PTPRT: variants seen among roughly 807,000 people sequenced by gnomAD.
PTPRT encodes receptor-type tyrosine-protein phosphatase T.
PTPRT carries 56 observed loss-of-function variants against 176.8 expected under a neutral mutation model. That is an observed-to-expected ratio of 0.32 (90% CI 0.26 to 0.40). The LOEUF (loss-of-function observed/expected upper bound fraction) is 0.40, where lower values mean the gene tolerates loss of function less well. Among genes scored for constraint, PTPRT ranks in the 10% least tolerant of loss-of-function variants. PTPRT has a pLI of 1.00. For synonymous variants in PTPRT, 783 were observed against 739.0 expected (o/e 1.06, Z -0.96); for missense variants, 1,540 against 1,908.2 (o/e 0.81, Z 3.60).
intron 9 of PTPRT, among the ~76,000 whole-genome samples, chr20:42,442,570 T>C (rs553038845): frequency 1.1e-4 from 17 of 152,214 alleles, no homozygotes; most frequent in Non-Finnish European, 2.5e-4. Flanking sequence ...TTATACACTG[T>C]AATTAGAAAC....
At chr20:42,046,435 G>T in the PTPRT span, among the ~76,000 whole-genome samples, 3 of 152,224 alleles carry the variant, frequency 2.0e-5, no homozygotes. Flanking sequence ...ATTTGCAGAT[G>T]AAATTCACCA....
chr20:42,294,496 A>G (rs1464708236), intron 12 of PTPRT, among the ~76,000 whole-genome samples: 1 of 152,178 alleles, frequency 6.6e-6, no homozygotes, highest in African/African-American at 2.4e-5. Flanking sequence ...ACATACACAC[A>G]AAATCATCGA....
At chr20:42,807,013 C>T (rs1470906111) in intron 2 of PTPRT, among the ~76,000 whole-genome samples, 4 of 152,128 alleles carry the variant, frequency 2.6e-5, no homozygotes, top group African/African-American at 9.7e-5. Context: ...AGATGCAATG[C>T]GCTGCCACAA....
In PTPRT at chr20:43,150,837, G is replaced by A. The variant is rs549205402; in HGVS notation, c.88+38809C>T. Among the ~76,000 whole-genome samples the A allele has an allele frequency of 2.3e-3, 349 of 152,252 alleles. 2 individuals carry two copies. Among genetic ancestry groups the A allele is most frequent in the African/African-American group, 8.2e-3 (341 of 41,528 alleles). ...CCTAGGAGAAAACTGTTACAGAGTT[G>A]GTACAATGGAGTGTCCTGCCTACCT... is the stretch of plus-strand genomic sequence containing the variant. On this transcript the variant is annotated intron_variant, in intron 1 of 30. Coordinates refer to ENST00000373187, the MANE Select transcript of PTPRT (RefSeq NM_007050.6).
intron 4 of PTPRT, among the ~76,000 whole-genome samples, 186 bp downstream of exon 4, chr20:42,780,032 A>G (rs2077192217): frequency 6.6e-6 from 1 of 152,176 alleles, no homozygotes; most frequent in South Asian, 2.1e-4. Flanking sequence ...CCTGTTGAAC[A>G]GGCCGGCAAA....
intron 2 of PTPRT, among the ~76,000 whole-genome samples, chr20:42,830,682 T>TATGCATGTATGATTATATATATATATATA: frequency 6.6e-6 from 1 of 151,700 alleles, no homozygotes; most frequent in East Asian, 1.9e-4. Context: ...CAACATGATT[T>TATGCATGTATGATTATATATATATATATA]TATATCTATA....
chr20:42,381,435 GT>G (rs1568829774), intron 9 of PTPRT, among the ~76,000 whole-genome samples: 1 of 152,172 alleles, frequency 6.6e-6, no homozygotes, highest in Non-Finnish European at 1.5e-5. Flanking sequence ...GTCAGCCCGG[GT>G]CCCTGTGTGA....
intron 2 of PTPRT, among the ~76,000 whole-genome samples, chr20:42,809,790 C>T (rs748926791): frequency 1.3e-5 from 2 of 152,114 alleles, no homozygotes; most frequent in Non-Finnish European, 2.9e-5. Context: ...ATTTAGGATC[C>T]ACCCTAAATC....
intron 11 of PTPRT, among the ~76,000 whole-genome samples, chr20:42,336,146 G>A (rs1173590421): frequency 6.6e-6 from 1 of 152,050 alleles, no homozygotes; most frequent in Non-Finnish European, 1.5e-5. Flanking sequence ...TGTAAAAGAA[G>A]TAATATACCA....
intron 2 of PTPRT, among the ~76,000 whole-genome samples, chr20:42,829,585 G>T (rs1260544914): frequency 6.6e-6 from 1 of 152,176 alleles, no homozygotes; most frequent in Non-Finnish European, 1.5e-5. Context: ...AAATTAGCTG[G>T]TTGTGGGTGG....
Position 42,448,297 on chromosome 20 carries a change from C to T in PTPRT, c.1483G>A (p.Gly495Arg). Residue 495 changes from glycine (G) to arginine (R), a missense_variant, in exon 9 of 31, where the codon GGG becomes AGG. Gly to Arg is a moderately radical substitution (Grantham distance 125, BLOSUM62 -2). Around this residue, in one of 11 missense-constraint regions of PTPRT, gnomAD observed 136 missense variants for 135.0 expected, o/e 1.01. Coordinates refer to ENST00000373187, the MANE Select transcript of PTPRT (RefSeq NM_007050.6). ...TAGATCTTCTCCTCAAAGGGCCCCC[C>T]TTGGATGGATTCTAGAGGAACAGCT... is the stretch of plus-strand genomic sequence containing the variant. ...PGAVPLESIQ[G>R]GPFEEKIYIQ... 6.2e-7 allele frequency: 1 copy of T among 1,613,372 alleles called. No homozygotes were observed. The highest frequency in any genetic ancestry group is 8.5e-7 in the Non-Finnish European group (1 of 1,179,492).
chr20:42,892,615 G>T (rs73910603), intron 1 of PTPRT, among the ~76,000 whole-genome samples: 1 of 152,140 alleles, frequency 6.6e-6, no homozygotes, highest in Non-Finnish European at 1.5e-5. Context: ...AGATTAAGGT[G>T]ATCTGCCATG....
intron 2 of PTPRT, among the ~76,000 whole-genome samples, chr20:42,843,295 C>A (rs1026770173): frequency 2.0e-5 from 3 of 152,178 alleles, no homozygotes; most frequent in Non-Finnish European, 4.4e-5. Context: ...CCACACCCGG[C>A]CTTCGTATGC....
intron 9 of PTPRT, among the ~76,000 whole-genome samples, chr20:42,380,602 AG>A (rs1044764955): frequency 2.4e-4 from 37 of 152,324 alleles, no homozygotes; most frequent in African/African-American, 8.4e-4. Flanking sequence ...GCCCCAGGAA[AG>A]GGCTGCCAAA....
chr20:42,758,750 C>T (rs910068463), intron 5 of PTPRT, among the ~76,000 whole-genome samples: 14 of 152,200 alleles, frequency 9.2e-5, no homozygotes, highest in South Asian at 2.1e-4. Flanking sequence ...AGAGGAGAAT[C>T]TGAAGCCAAA....
chr20:42,234,677 G>A (rs974047659), intron 15 of PTPRT, among the ~76,000 whole-genome samples: 5 of 152,182 alleles, frequency 3.3e-5, no homozygotes, highest in Non-Finnish European at 5.9e-5. Flanking sequence ...ATACTGTGAG[G>A]CTGAACCTCT....
chr20:42,960,205 C>T (rs1175163507), intron 1 of PTPRT, among the ~76,000 whole-genome samples: 1 of 152,146 alleles, frequency 6.6e-6, no homozygotes, highest in African/African-American at 2.4e-5. Flanking sequence ...GCTGATACAA[C>T]AAAATACCTT....
At chr20:42,718,695 C>T (rs757030378) in intron 6 of PTPRT, among the ~76,000 whole-genome samples, 2 of 152,002 alleles carry the variant, frequency 1.3e-5, no homozygotes, top group Non-Finnish European at 2.9e-5. Flanking sequence ...GTCACAATAC[C>T]TTTGCAAAGG....
chr20:42,590,929 T>C (rs1354225571), intron 7 of PTPRT, among the ~76,000 whole-genome samples: 2 of 23,146 alleles, frequency 8.6e-5, no homozygotes, highest in Admixed American at 9.6e-4. Flanking sequence ...AGATTTAGCG[T>C]GTGTGTGTGT....
Sources: allele counts gnomAD v4.1 joint callset (sites outside exome capture counted in the v4.1 genomes callset), GRCh38; gene constraint gnomAD v4.1.1; regional missense constraint gnomAD v4.1.1; transcripts MANE v1.5; gene names NCBI Gene and HGNC (gene_info 2026-07-23, HGNC 2026-07-21).